The following CATSPERE variants were observed in gnomAD, a reference collection of about 807,000 sequenced individuals.
CATSPERE encodes the protein cation channel sperm-associated auxiliary subunit epsilon.
A neutral mutation model predicts 114.1 loss-of-function variants in CATSPERE; 93 were observed. That is an observed-to-expected ratio of 0.81 (90% CI 0.69 to 0.97). The LOEUF (loss-of-function observed/expected upper bound fraction) is 0.97, where lower values mean the gene tolerates loss of function less well. Ranked by LOEUF, CATSPERE falls within the 50% of genes least tolerant of loss-of-function variation. The pLI, the probability that CATSPERE is intolerant of heterozygous loss-of-function variation, is 0.00. For missense variants in CATSPERE, 1,058 were observed against 1,131.6 expected (o/e 0.93, Z 0.93); for synonymous variants, 341 against 384.1 (o/e 0.89, Z 1.31).
Position 244,523,134 on chromosome 1 carries a change from C to A in CATSPERE, c.536+4436C>A, listed in dbSNP as rs906983913. 3.4e-5 allele frequency among the ~76,000 whole-genome samples: 5 copies of A among 147,830 alleles called. 1 individual carries two copies. In the South Asian group the frequency reaches 1.0e-3, roughly 31 times the overall value. ...CCAGCAGCACATCAAAAAGCTTATC[C>A]ACCATGATCGAGTGGGCTTCATCCC... On this transcript the variant is annotated intron_variant, in intron 8 of 21. Transcript: ENST00000366534.
chr1:244,630,000 T>G (rs2148743599), intron 20 of CATSPERE, among the ~76,000 whole-genome samples: 2 of 152,358 alleles, frequency 1.3e-5, no homozygotes, highest in South Asian at 4.1e-4. Context: ...CTCCAGGTCA[T>G]GTATCATCAA....
chr1:244,478,405 T>G (rs1012026741), intron 4 of CATSPERE, among the ~76,000 whole-genome samples: 1 of 152,216 alleles, frequency 6.6e-6, no homozygotes, highest in Non-Finnish European at 1.5e-5. Context: ...AGGTTGAACG[T>G]CTCTAGTTTA....
intron 20 of CATSPERE, among the ~76,000 whole-genome samples, chr1:244,623,180 C>T (rs920264172): frequency 7.2e-5 from 11 of 151,914 alleles, no homozygotes; most frequent in Non-Finnish European, 1.0e-4. Context: ...CGGGTTCAAG[C>T]GATTCTCATG....
At chr1:244,490,323 T>C in intron 5 of CATSPERE, 124 bp from the exon 6 acceptor site, 1 of 579,276 alleles carries the variant, frequency 1.7e-6, no homozygotes, top group Non-Finnish European at 3.0e-6. Flanking sequence ...TTTAATTTTA[T>C]ATACCGTAAT....
chr1:244,584,481 A>G (rs1666727943), intron 13 of CATSPERE, among the ~76,000 whole-genome samples: 2 of 151,666 alleles, frequency 1.3e-5, no homozygotes, highest in African/African-American at 4.9e-5. Context: ...AGGAAAAGGC[A>G]TGGAGGGATG....
chr1:244,521,723 C>A (rs1301711665), intron 8 of CATSPERE, among the ~76,000 whole-genome samples: 100 of 152,068 alleles, frequency 6.6e-4, no homozygotes, highest in Non-Finnish European at 5.9e-5. Context: ...AGGATTTCTA[C>A]AACAATTCAA....
At chr1:244,579,592 A>T (rs1665864069) in intron 11 of CATSPERE, among the ~76,000 whole-genome samples, 2 of 152,340 alleles carry the variant, frequency 1.3e-5, no homozygotes, top group South Asian at 4.1e-4. Context: ...TAGTTCAAAC[A>T]TGTGTTGTTC....
At chr1:244,487,917 G>A (rs898548338) in intron 5 of CATSPERE, among the ~76,000 whole-genome samples, 3 of 152,150 alleles carry the variant, frequency 2.0e-5, no homozygotes, top group Admixed American at 1.3e-4. Flanking sequence ...GATAAATACT[G>A]TAGAGTACAG....
intron 8 of CATSPERE, among the ~76,000 whole-genome samples, chr1:244,539,527 G>T (rs1658248135): frequency 7.6e-6 from 1 of 131,492 alleles, no homozygotes; most frequent in Non-Finnish European, 1.6e-5. Context: ...TCTATTGATT[G>T]GAATAGTTTC....
intron 18 of CATSPERE, among the ~76,000 whole-genome samples, chr1:244,606,139 C>T (rs990465490): frequency 1.3e-5 from 2 of 152,166 alleles, no homozygotes; most frequent in African/African-American, 4.8e-5. Context: ...GTCAAACGGA[C>T]ACTCTGGGCT....
chr1:244,569,389 C>CA (rs1664118058), intron 10 of CATSPERE, among the ~76,000 whole-genome samples: 2 of 152,226 alleles, frequency 1.3e-5, no homozygotes, highest in African/African-American at 4.8e-5. Context: ...ATCTTGCCCA[C>CA]AACTCCCCCT....
At chr1:244,528,155 A>G (rs1678966075) in intron 8 of CATSPERE, among the ~76,000 whole-genome samples, 1 of 151,640 alleles carries the variant, frequency 6.6e-6, no homozygotes. Flanking sequence ...GTTCCCACTC[A>G]CCCCACCATG....
At chr1:244,548,087 C>T (rs1306605771) in intron 8 of CATSPERE, among the ~76,000 whole-genome samples, 1 of 152,084 alleles carries the variant, frequency 6.6e-6, no homozygotes, top group Non-Finnish European at 1.5e-5. Flanking sequence ...TGCAGATAAA[C>T]CTTTCTGAAT....
At chr1:244,462,711 C>T (rs905990293) in intron 1 of CATSPERE, among the ~76,000 whole-genome samples, 1 of 151,546 alleles carries the variant, frequency 6.6e-6, no homozygotes, top group Non-Finnish European at 1.5e-5. Flanking sequence ...TTTTTTAATT[C>T]GATCTGTATA....
chr1:244,547,844 C>T (rs1183916065), intron 8 of CATSPERE, among the ~76,000 whole-genome samples: 4 of 152,146 alleles, frequency 2.6e-5, no homozygotes, highest in Non-Finnish European at 4.4e-5. Context: ...ATTAAATTCT[C>T]GAAAGACATA....
rs150840923 is a variant in CATSPERE at position 244,463,588 on chromosome 1, T to G, written c.66-320T>G. ...AAACTCCAATCTTTGTTATTCTTAC[T>G]TTAACTCTTTATAAGTGAAGGAGTT... On this transcript the variant is annotated intron_variant, in intron 1 of 21. Coordinates refer to ENST00000366534, the MANE Select transcript of CATSPERE (RefSeq NM_001130957.2). Among the ~76,000 whole-genome samples the G allele has an allele frequency of 7.4e-4, 113 of 152,068 alleles. 1 individual carries two copies. The East Asian group carries it at 0.021, about 28-fold the overall frequency.
At chr1:244,613,921 A>G (rs1310128547) in intron 19 of CATSPERE, among the ~76,000 whole-genome samples, 1 of 152,168 alleles carries the variant, frequency 6.6e-6, no homozygotes, top group Non-Finnish European at 1.5e-5. Flanking sequence ...TAATGGGATA[A>G]TGGATTTGTG....
chr1:244,559,169 C>T (rs1391558059), intron 9 of CATSPERE, among the ~76,000 whole-genome samples: 2 of 152,196 alleles, frequency 1.3e-5, no homozygotes, highest in Non-Finnish European at 2.9e-5. Flanking sequence ...TGACGTGTTC[C>T]TCTTCCCATC....
chr1:244,464,797 A>G (rs1304729204), intron 2 of CATSPERE, among the ~76,000 whole-genome samples: 3 of 151,874 alleles, frequency 2.0e-5, no homozygotes, highest in Non-Finnish European at 4.4e-5. Context: ...TTCTCCTTCT[A>G]TTACCTGTTC....
Sources: allele counts gnomAD v4.1 joint callset (sites outside exome capture counted in the v4.1 genomes callset), GRCh38; gene constraint gnomAD v4.1.1; transcripts MANE v1.5; gene names NCBI Gene and HGNC (gene_info 2026-07-23, HGNC 2026-07-21).